Variants in SLC26A11 observed in about 807,000 individuals in gnomAD.
SLC26A11 encodes sodium-independent sulfate anion transporter.
In SLC26A11, 58 loss-of-function variants were observed where a neutral mutation model predicts 62.2. That is an observed-to-expected ratio of 0.93 (90% CI 0.76 to 1.16). The LOEUF is 1.16. SLC26A11 is among the 50% of genes most tolerant of loss of function. The pLI is 0.00. For synonymous variants in SLC26A11, 411 were observed against 368.9 expected, an observed-to-expected ratio of 1.11 and a Z score of -1.31; for missense variants, 790 against 794.3, an observed-to-expected ratio of 0.99 and a Z score of 0.06.
intron 10 of SLC26A11, among the ~76,000 whole-genome samples, chr17:80,242,783 A>G (rs2042898355): frequency 6.6e-6 from 1 of 152,124 alleles, no homozygotes; most frequent in Admixed American, 6.5e-5. Flanking sequence ...ATCTCGGCTC[A>G]CTGCAACCTC....
intron 5 of SLC26A11, among the ~76,000 whole-genome samples, chr17:80,225,143 C>T (rs1185593232): frequency 2.6e-5 from 4 of 152,064 alleles, no homozygotes; most frequent in Non-Finnish European, 5.9e-5. Flanking sequence ...CGAATCCAGC[C>T]TGGGCCACAG....
intron 7 of SLC26A11, among the ~76,000 whole-genome samples, chr17:80,234,315 A>G (rs1257333521): frequency 6.6e-6 from 1 of 152,176 alleles, no homozygotes; most frequent in Non-Finnish European, 1.5e-5. Context: ...TCAGGACTTT[A>G]AAGATGCTAT....
rs1211460275 is a variant in SLC26A11 at position 80,246,968 on chromosome 17, G to A, written c.1294+319G>A. Reference sequence around the variant, plus strand: ...CCGCCTCCAGCCACCACTCTGCCCGGCCCAGCTGGGGGAGGGACAGGAGAC... The same window carrying A: ...CCGCCTCCAGCCACCACTCTGCCCGACCCAGCTGGGGGAGGGACAGGAGAC... On this transcript the variant is annotated intron_variant, in intron 13 of 17. Transcript: ENST00000361193. This position sits in a 1 kb window ranked among gnomAD's most constrained non-coding sequence, Gnocchi z 4.4. Among the ~76,000 whole-genome samples the A allele has an allele frequency of 6.6e-6, 1 of 151,722 alleles. No individual in the cohort carries two copies. The highest frequency in any genetic ancestry group is 1.9e-4 in the East Asian group (1 of 5,182).
Position 80,222,973 on chromosome 17 carries a change from AGGTG to A in SLC26A11, c.427+136_427+139del. The A allele has an allele frequency of 3.7e-6, 2 of 544,208 alleles. No homozygotes were observed. The highest frequency in any genetic ancestry group is 6.4e-6 in the Non-Finnish European group (2 of 314,818). The allele number at this position is 544,208 out of a possible 1,614,324, so 33.7% of individuals were successfully genotyped here. On this transcript the variant is annotated intron_variant, in intron 4 of 17. Transcript: ENST00000361193. The surrounding 1 kb of genome is among the most constrained non-coding windows in gnomAD (Gnocchi z 4.7). ...TGTGGGTATGTATGTGTGTGTGTGT[AGGTG>A]GGTGGGTGGTGGAGGGGGTGGGGCA...
At position 80,246,528 on chromosome 17, in the gene SLC26A11, T is replaced by C. The variant is rs1453549178; in HGVS notation, c.1173T>C (p.Ser391=). The C allele has an allele frequency of 6.2e-7, 1 of 1,612,620 alleles. No individual in the cohort carries two copies. The change falls in exon 13 of 18, where the codon TCT becomes TCC. Residue 391 remains serine (S), a synonymous_variant. Transcript: ENST00000361193. This position sits in a 1 kb window ranked among gnomAD's most constrained non-coding sequence, Gnocchi z 4.4. ...GLVTGVLVLL[S]LDYLTSLFYY... ...CCGCAGGAGTGCTGGTGCTGCTGTC[T>C]CTGGACTACCTGACCTCACTGTTCT...
In SLC26A11 at chr17:80,225,919, A is replaced by G. The variant is rs752974672; in HGVS notation, c.593+3A>G. On this transcript the variant is annotated splice_donor_region_variant and intron_variant, in intron 6 of 17. Coordinates refer to ENST00000361193, the MANE Select transcript of SLC26A11 (RefSeq NM_001166347.2). ...TTCCTCAGGATTGCAGAGACCAGGT[A>G]CCCCGGGCTTTGTTCCTCCCTCCTA... The G allele has an allele frequency of 6.2e-6, 10 of 1,612,306 alleles. No homozygotes were observed. In the East Asian group the frequency reaches 2.2e-4, roughly 36 times the overall value.
rs145633190 is a variant in SLC26A11 at position 80,238,261 on chromosome 17, G to A, written c.985+667G>A. ...CCAGCTTCTCAGAAGGCTGAGGCAG[G>A]AGGATCACTTGAGCCCGGGAGGTCG... On this transcript the variant is annotated intron_variant, in intron 9 of 17. Transcript: ENST00000361193. Among the ~76,000 whole-genome samples, 1,062 of 152,286 alleles carry A rather than the reference G, an allele frequency of 7.0e-3. 16 individuals are homozygous for A. Among genetic ancestry groups the A allele is most frequent in the African/African-American group, 0.024 (1,001 of 41,564 alleles).
Position 80,223,297 on chromosome 17 carries a change from C to G in SLC26A11, c.473C>G (p.Thr158Ser). 3 of 1,614,194 alleles carry G rather than the reference C, an allele frequency of 1.9e-6. No individual in the cohort carries two copies. The highest frequency in any genetic ancestry group is 2.5e-6 in the Non-Finnish European group (3 of 1,180,046). The change falls in exon 5 of 18, where the codon ACC becomes AGC. Residue 158 changes from threonine (T) to serine (S), a missense_variant. Transcript: ENST00000361193. The surrounding 1 kb of genome is among the most constrained non-coding windows in gnomAD (Gnocchi z 4.6). Reference sequence around the variant, plus strand: ...TCCTACCCCGTCATTAAAGGCTTCACCTCTGCTGCTGCCGTCACCATCGGC... The same window carrying G: ...TCCTACCCCGTCATTAAAGGCTTCAGCTCTGCTGCTGCCGTCACCATCGGC... ...FISYPVIKGFTSAAAVTIGFG... is the reference protein window; with the variant it reads ...FISYPVIKGFSSAAAVTIGFG...
Position 80,225,897 on chromosome 17 carries a change from C to G in SLC26A11, c.574C>G (p.Leu192Val). Residue 192 changes from leucine to valine, a missense_variant, in exon 6 of 18, where the codon CTC becomes GTC. Leu to Val is a conservative substitution (Grantham distance 32). Coordinates refer to ENST00000361193, the MANE Select transcript of SLC26A11 (RefSeq NM_001166347.2). ...PFFLQVYHTF[L>V]RIAETRVGDA... ...CTTCCTGCAGGTGTACCACACCTTC[C>G]TCAGGATTGCAGAGACCAGGTACCC... 6.2e-7 allele frequency: 1 copy of G among 1,613,976 alleles called. No homozygotes were observed. Among genetic ancestry groups the G allele is most frequent in the Non-Finnish European group, 8.5e-7 (1 of 1,179,916 alleles).
rs2042984698 is a variant in SLC26A11, at chr17:80,246,047, C to T, written c.1098-107C>T. 7 of 1,360,440 alleles carry T rather than the reference C, an allele frequency of 5.1e-6. No individual in the cohort carries two copies. Among genetic ancestry groups the T allele is most frequent in the South Asian group, 1.2e-5 (1 of 85,664 alleles). The allele number at this position is 1,360,440 out of a possible 1,614,324, so 84.3% of individuals were successfully genotyped here. ...TTGCAGTCCCCGCCTGCTTCCCAAG[C>T]CGTGCTGGGAGCTGACGTCCCCTCG... On this transcript the variant is annotated intron_variant, in intron 11 of 17. Transcript: ENST00000361193. The surrounding 1 kb of genome is among the most constrained non-coding windows in gnomAD (Gnocchi z 4.4).
Position 80,237,526 on chromosome 17 carries a change from T to A in SLC26A11, c.917T>A (p.Met306Lys), listed in dbSNP as rs759703113. The A allele has an allele frequency of 2.5e-6, 4 of 1,610,472 alleles. No homozygotes were observed. In the South Asian group the frequency reaches 4.5e-5, roughly 18 times the overall value. ...CATCCCTCTCTCCTCTCTCAGGACA[T>A]GGGAGCCGGGCTGGCCGTGGTGCCC... ...TISFTEMVQD[M>K]GAGLAVVPLM... The change falls in exon 9 of 18, where the codon ATG becomes AAG. Residue 306 changes from methionine to lysine, a missense_variant. Physicochemically the swap from Met to Lys is moderately conservative, Grantham distance 95. Coordinates refer to ENST00000361193, the MANE Select transcript of SLC26A11 (RefSeq NM_001166347.2).
intron 8 of SLC26A11, 149 bp from the exon 9 acceptor site, chr17:80,237,373 G>A (rs933482671): frequency 2.6e-5 from 21 of 804,706 alleles, no homozygotes; most frequent in South Asian, 3.6e-5. Flanking sequence ...AGCACCTGGC[G>A]CCTCTTCAGA....
intron 7 of SLC26A11, among the ~76,000 whole-genome samples, chr17:80,231,290 G>A (rs1202011362): frequency 6.6e-6 from 1 of 151,276 alleles, no homozygotes; most frequent in South Asian, 2.1e-4. Context: ...AGCCTCCCAA[G>A]TAGCTGGGAT....
chr17:80,236,390 C>A (rs2042691025), intron 7 of SLC26A11, among the ~76,000 whole-genome samples: 1 of 152,222 alleles, frequency 6.6e-6, no homozygotes, highest in South Asian at 2.1e-4. Context: ...TCAGGGAAAC[C>A]CCTGGGCTCT....
Position 80,236,872 on chromosome 17 carries a change from G to A in SLC26A11, c.737-56G>A, listed in dbSNP as rs962358624. 5.5e-5 allele frequency: 85 copies of A among 1,558,100 alleles called. No homozygotes were observed. The East Asian group carries it at 8.9e-4, about 16-fold the overall frequency. ...GCCCCAGTAACCTGGAGGCAGCCGC[G>A]CTACCCCACACTCGCCGGGAGCAGG... On this transcript the variant is annotated intron_variant, in intron 7 of 17. Coordinates refer to ENST00000361193, the MANE Select transcript of SLC26A11 (RefSeq NM_001166347.2).
In SLC26A11 at chr17:80,236,889, G is replaced by A. The variant is rs773543259; in HGVS notation, c.737-39G>A. On this transcript the variant is annotated intron_variant, in intron 7 of 17. Coordinates refer to ENST00000361193, the MANE Select transcript of SLC26A11 (RefSeq NM_001166347.2). ...GCAGCCGCGCTACCCCACACTCGCC[G>A]GGAGCAGGGTCTCGGACGCACCTCT... 43 of 1,580,432 alleles carry A rather than the reference G, an allele frequency of 2.7e-5. 1 individual carries two copies. Among genetic ancestry groups the A allele is most frequent in the Admixed American group, 3.4e-5 (2 of 58,712 alleles).
chr17:80,225,560 G>T, intron 5 of SLC26A11: 1 of 380,576 alleles, frequency 2.6e-6, no homozygotes. Context: ...CACCTACATT[G>T]TTTTTTATGA....
In SLC26A11 at chr17:80,249,258, G is replaced by A; in HGVS notation, c.1627G>A (p.Gly543Ser). 1.2e-6 allele frequency: 2 copies of A among 1,611,240 alleles called. No individual in the cohort carries two copies. Among genetic ancestry groups the A allele is most frequent in the Non-Finnish European group, 8.5e-7 (1 of 1,180,000 alleles). Residue 543 changes from glycine (G) to serine (S), a missense_variant, in exon 16 of 18, where the codon GGC (glycine) becomes AGC (serine). Physicochemically the swap from Gly to Ser is moderately conservative, Grantham distance 56 (BLOSUM62 0). Transcript: ENST00000361193. ...GCTCCTCCAGGACTTCCAGAAGCAG[G>A]GCGTCGCCCTGGCCTTTGTGGGCCT... The part of the protein sequence containing the change: ...GELLQDFQKQ[G>S]VALAFVGLQV...
Position 80,222,756 on chromosome 17 carries a change from C to T in SLC26A11, c.336C>T (p.Val112=). Residue 112 remains valine, a synonymous_variant, in exon 4 of 18, where the codon GTC becomes GTT. Transcript: ENST00000361193. This position sits in a 1 kb window ranked among gnomAD's most constrained non-coding sequence, Gnocchi z 4.7. ...LGPTAIMSLL[V]SFYTFHEPAY... ...CCACCGCCATTATGTCCCTCCTGGT[C>T]TCCTTCTACACCTTCCATGAGCCCG... The T allele has an allele frequency of 5.6e-6, 9 of 1,614,224 alleles. No homozygotes were observed. The highest frequency in any genetic ancestry group is 6.8e-6 in the Non-Finnish European group (8 of 1,180,046).
Sources: allele counts gnomAD v4.1 joint callset (sites outside exome capture counted in the v4.1 genomes callset), GRCh38; gene constraint gnomAD v4.1.1; non-coding constraint Gnocchi (gnomAD v3.1); transcripts MANE v1.5; gene names NCBI Gene and HGNC (gene_info 2026-07-23, HGNC 2026-07-21).